DENR: variants seen among roughly 807,000 people sequenced by gnomAD.
The protein encoded by DENR is density regulated re-initiation and release factor, also known as density-regulated protein.
A neutral mutation model predicts 30.6 loss-of-function variants in DENR; 6 were observed. The observed-to-expected ratio is 0.20, with a 90% CI of 0.11 to 0.39. DENR has a LOEUF of 0.39. Among genes scored for constraint, DENR ranks in the 10% least tolerant of loss-of-function variants. The probability of loss-of-function intolerance (pLI) is 1.00; values close to 1 mark genes in which losing one functional copy is unlikely to be tolerated. For synonymous variants in DENR, 78 were observed against 72.1 expected (o/e 1.08, Z -0.41); for missense variants, 141 against 230.9 (o/e 0.61, Z 2.52).
intron 2 of DENR, 99 bp downstream of exon 2, chr12:122,753,906 A>T: frequency 9.8e-7 from 1 of 1,022,552 alleles, no homozygotes; most frequent in Non-Finnish European, 1.5e-6. Context: ...CATCCTTTTC[A>T]TTTGGTGAGT....
Position 122,769,122 on chromosome 12 carries a change from A to G in DENR, c.*44A>G, listed in dbSNP as rs2135513528. ...ATTTAATGGCCTGAACTGAGAGTTG[A>G]TATGGCCAAAGGGAGAGAGGCCTTT... On this transcript the variant is annotated 3_prime_UTR_variant, in exon 8 of 8. Coordinates refer to ENST00000280557, the MANE Select transcript of DENR (RefSeq NM_003677.5). 2 of 1,580,872 alleles carry G rather than the reference A, an allele frequency of 1.3e-6. No individual in the cohort carries two copies. The highest frequency in any genetic ancestry group is 4.6e-5 in the East Asian group (2 of 43,666).
In DENR at chr12:122,770,516, A is replaced by G; in HGVS notation, c.*1438A>G. 1 of 397,604 alleles carries G rather than the reference A, an allele frequency of 2.5e-6. No homozygotes were observed. The highest frequency in any genetic ancestry group is 4.4e-6 in the Non-Finnish European group (1 of 225,788). 24.6% of individuals were successfully genotyped at this position (397,604 alleles called of 1,614,324 possible). On this transcript the variant is annotated 3_prime_UTR_variant, in exon 8 of 8. Transcript: ENST00000280557. ...TGAGTAAAATTGTGCTAACCAGTTA[A>G]AAGTACTGTACACCCATGCTCAATA...
chr12:122,769,947 A>G lies in DENR; in HGVS notation c.*869A>G, dbSNP rs1878990794. On this transcript the variant is annotated 3_prime_UTR_variant, in exon 8 of 8. Transcript: ENST00000280557. ...TTTGAATTTGGCTTCCTCACCAGTA[A>G]TATGTCTCCTTGCTTCTTTGATGTG... 1 of 152,608 alleles carries G rather than the reference A, an allele frequency of 6.6e-6. No homozygotes were observed. Among genetic ancestry groups the G allele is most frequent in the African/African-American group, 2.4e-5 (1 of 41,432 alleles). 9.5% of individuals were successfully genotyped at this position (152,608 alleles called of 1,614,324 possible). A position where few individuals can be genotyped will look rare whatever the true frequency, so the allele number is the denominator to read the frequency against.
Position 122,769,191 on chromosome 12 carries a change from T to C in DENR, c.*113T>C. On this transcript the variant is annotated 3_prime_UTR_variant, in exon 8 of 8. Transcript: ENST00000280557. Reference sequence around the variant, plus strand: ...ACACATATATATGTATATATACACATATATGTATGTATACACATATACACA... The same window carrying C: ...ACACATATATATGTATATATACACACATATGTATGTATACACATATACACA... 2 of 1,012,892 alleles carry C rather than the reference T, an allele frequency of 2.0e-6. No individual in the cohort carries two copies. The highest frequency in any genetic ancestry group is 2.6e-6 in the Non-Finnish European group (2 of 777,278). 62.7% of individuals were successfully genotyped at this position (1,012,892 alleles called of 1,614,324 possible).
Position 122,770,486 on chromosome 12 carries a change from T to G in DENR, c.*1408T>G, listed in dbSNP as rs921521941. 7.6e-6 allele frequency: 3 copies of G among 396,916 alleles called. No individual in the cohort carries two copies. Among genetic ancestry groups the G allele is most frequent in the African/African-American group, 6.2e-5 (3 of 48,596 alleles). The allele number at this position is 396,916 out of a possible 1,614,324, so 24.6% of individuals were successfully genotyped here. On this transcript the variant is annotated 3_prime_UTR_variant, in exon 8 of 8. Coordinates refer to ENST00000280557, the MANE Select transcript of DENR (RefSeq NM_003677.5). ...TAGAGGTTCTTATTCTGGCTATAAA[T>G]TATGTGAGTAAAATTGTGCTAACCA...
At chr12:122,756,184 C>G (rs1236078951) in intron 2 of DENR, among the ~76,000 whole-genome samples, 1 of 152,140 alleles carries the variant, frequency 6.6e-6, no homozygotes, top group Non-Finnish European at 1.5e-5. Context: ...CGCGGTGGCT[C>G]ACACCTGTAA....
In DENR at chr12:122,766,852, A is replaced by G. The variant is rs575657900; in HGVS notation, c.296-636A>G. Among the ~76,000 whole-genome samples, 24 of 152,190 alleles carry G rather than the reference A, an allele frequency of 1.6e-4. No individual in the cohort carries two copies. In the East Asian group the frequency reaches 3.5e-3, roughly 22 times the overall value. Reference sequence around the variant, plus strand: ...CAAGAGCCTCTGTAGGGGCCTTTCTATCAGTCTTACTCTTCACAGATCCAC... The same window carrying G: ...CAAGAGCCTCTGTAGGGGCCTTTCTGTCAGTCTTACTCTTCACAGATCCAC... On this transcript the variant is annotated intron_variant, in intron 5 of 7. Transcript: ENST00000280557.
rs1975761 is a variant in DENR at position 122,770,152 on chromosome 12, C to A, written c.*1074C>A. 0.93 allele frequency: 142,355 copies of A among 153,004 alleles called. 66,383 individuals carry two copies. Among genetic ancestry groups the A allele is most frequent in the East Asian group, 0.99 (5,136 of 5,196 alleles). The allele number at this position is 153,004 out of a possible 1,614,324, so 9.5% of individuals were successfully genotyped here. On this transcript the variant is annotated 3_prime_UTR_variant, in exon 8 of 8. Transcript: ENST00000280557. ...ACCATGTATGTGCGCTGTTTGAACC[C>A]GTAAGCCACTTCTTTGACATTAGAA...
chr12:122,762,547 A>G (rs934767222), intron 3 of DENR, among the ~76,000 whole-genome samples: 1 of 152,228 alleles, frequency 6.6e-6, no homozygotes, highest in Admixed American at 6.5e-5. Flanking sequence ...TATGTGTAAG[A>G]CTTTCTAAGT....
At chr12:122,756,310 A>G (rs796435585) in intron 2 of DENR, among the ~76,000 whole-genome samples, 68 of 152,218 alleles carry the variant, frequency 4.5e-4, no homozygotes, top group African/African-American at 1.5e-3. Context: ...TTAGCTGGGC[A>G]TAGTGGCAGG....
intron 2 of DENR, among the ~76,000 whole-genome samples, chr12:122,761,857 G>A (rs944706712): frequency 7.2e-5 from 11 of 152,188 alleles, no homozygotes; most frequent in African/African-American, 2.7e-4. Context: ...TCTGATGTAT[G>A]GGAAATTGTT....
At chr12:122,757,553 A>T (rs1034269754) in intron 2 of DENR, among the ~76,000 whole-genome samples, 1 of 152,208 alleles carries the variant, frequency 6.6e-6, no homozygotes, top group African/African-American at 2.4e-5. Context: ...TTTATTGATG[A>T]TAAGCTTCTC....
rs112313494 is a variant in DENR at position 122,765,489 on chromosome 12, C to T, written c.295+102C>T. On this transcript the variant is annotated intron_variant, in intron 5 of 7. Coordinates refer to ENST00000280557, the MANE Select transcript of DENR (RefSeq NM_003677.5). ...TCCCAAAGCTAGGCACAATGGTGGG[C>T]GCCTATAGTCACAGCTTCTTAGGGG... The T allele has an allele frequency of 3.0e-5, 31 of 1,025,144 alleles. No individual in the cohort carries two copies. The African/African-American group carries it at 3.3e-4, about 11-fold the overall frequency. 63.5% of individuals were successfully genotyped at this position (1,025,144 alleles called of 1,614,324 possible). A position where few individuals can be genotyped will look rare whatever the true frequency, so the allele number is the denominator to read the frequency against.
At chr12:122,768,974 C>G in intron 7 of DENR, 53 bp downstream of exon 7, 1 of 1,605,410 alleles carries the variant, frequency 6.2e-7, no homozygotes, top group Non-Finnish European at 8.5e-7. Context: ...AAGCAAATTG[C>G]TTCCATTTTT....
rs772034231 is a variant in DENR at position 122,769,116 on chromosome 12, G to C, written c.*38G>C. The C allele has an allele frequency of 3.8e-6, 6 of 1,584,608 alleles. No homozygotes were observed. Among genetic ancestry groups the C allele is most frequent in the Non-Finnish European group, 5.1e-6 (6 of 1,167,520 alleles). On this transcript the variant is annotated 3_prime_UTR_variant, in exon 8 of 8. Transcript: ENST00000280557. ...GTCTGTATTTAATGGCCTGAACTGA[G>C]AGTTGATATGGCCAAAGGGAGAGAG...
chr12:122,767,475 TTAA>T lies in DENR; in HGVS notation c.296-9_296-7del, dbSNP rs1429130443. On this transcript the variant is annotated splice_polypyrimidine_tract_variant and intron_variant, in intron 5 of 7. Coordinates refer to ENST00000280557, the MANE Select transcript of DENR (RefSeq NM_003677.5). ...AAAACAACTAAAGCTAAGCTCTTTC[TTAA>T]TAAATAAAGGTGGAAGGGGTCAAAT... 1 of 1,482,554 alleles carries T rather than the reference TTAA, an allele frequency of 6.7e-7. No individual in the cohort carries two copies. The highest frequency in any genetic ancestry group is 2.4e-5 in the East Asian group (1 of 41,122). The allele number at this position is 1,482,554 out of a possible 1,614,324, so 91.8% of individuals were successfully genotyped here. A position where few individuals can be genotyped will look rare whatever the true frequency, so the allele number is the denominator to read the frequency against.
intron 2 of DENR, among the ~76,000 whole-genome samples, chr12:122,757,941 G>C (rs977096265): frequency 5.3e-5 from 8 of 152,172 alleles, no homozygotes; most frequent in African/African-American, 1.9e-4. Context: ...AGTATGAGAT[G>C]ATTGAGGCTT....
Position 122,769,177 on chromosome 12 carries a change from T to C in DENR, c.*99T>C. The C allele has an allele frequency of 8.7e-7, 1 of 1,150,560 alleles. No homozygotes were observed. The highest frequency in any genetic ancestry group is 1.1e-6 in the Non-Finnish European group (1 of 876,934). 71.3% of individuals were successfully genotyped at this position (1,150,560 alleles called of 1,614,324 possible). On this transcript the variant is annotated 3_prime_UTR_variant, in exon 8 of 8. Coordinates refer to ENST00000280557, the MANE Select transcript of DENR (RefSeq NM_003677.5). ...ATATATATATATATACACATATATA[T>C]GTATATATACACATATATGTATGTA...
intron 6 of DENR, among the ~76,000 whole-genome samples, chr12:122,768,497 CA>C (rs555107397): frequency 1.1e-4 from 15 of 142,824 alleles, no homozygotes; most frequent in Admixed American, 2.1e-4. Flanking sequence ...GACTCCGTCT[CA>C]AAAAAAAAAA....
Sources: allele counts gnomAD v4.1 joint callset (sites outside exome capture counted in the v4.1 genomes callset), GRCh38; gene constraint gnomAD v4.1.1; transcripts MANE v1.5; gene names NCBI Gene and HGNC (gene_info 2026-07-23, HGNC 2026-07-21).